Variants in PGM2 observed in about 807,000 individuals in gnomAD.
PGM2 encodes phosphoglucomutase 2.
Under a neutral mutation model 74.6 loss-of-function variants are expected in PGM2, and 57 were observed. The ratio of observed to expected loss-of-function variants is 0.76; its 90% CI spans 0.62 to 0.95. The LOEUF (loss-of-function observed/expected upper bound fraction) is 0.95, where lower values mean the gene tolerates loss of function less well. Ranked by LOEUF, PGM2 falls within the 40% of genes least tolerant of loss-of-function variation. PGM2 has a pLI of 0.00. For synonymous variants in PGM2, 273 were observed against 260.7 expected (o/e 1.05, Z -0.46); for missense variants, 706 against 741.9 (o/e 0.95, Z 0.56).
chr4:37,827,013 G>A (rs1039982686), intron 1 of PGM2, among the ~76,000 whole-genome samples, 200 bp downstream of exon 1: 5 of 152,250 alleles, frequency 3.3e-5, no homozygotes, highest in African/African-American at 9.6e-5. Flanking sequence ...GAGTTAGGCC[G>A]GGAAGGCTTG....
At chr4:37,851,150 C>T (rs749336745) in intron 12 of PGM2, among the ~76,000 whole-genome samples, 2 of 152,184 alleles carry the variant, frequency 1.3e-5, no homozygotes, top group Non-Finnish European at 2.9e-5. Context: ...CAGGATCCAG[C>T]ATTCTCTCCC....
At chr4:37,857,702 A>G (rs550163824) in intron 13 of PGM2, among the ~76,000 whole-genome samples, 1 of 152,364 alleles carries the variant, frequency 6.6e-6, no homozygotes, top group South Asian at 2.1e-4. Context: ...ATATATTTTC[A>G]CTATGGATTC....
intron 2 of PGM2, among the ~76,000 whole-genome samples, chr4:37,833,478 T>C (rs1725486959): frequency 6.6e-6 from 1 of 152,150 alleles, no homozygotes; most frequent in Admixed American, 6.5e-5. Flanking sequence ...AGAGGATTAC[T>C]TGAGCCTGAG....
At chr4:37,859,634 A>G (rs373754723) in intron 13 of PGM2, among the ~76,000 whole-genome samples, 1 of 152,092 alleles carries the variant, frequency 6.6e-6, no homozygotes, top group African/African-American at 2.4e-5. Context: ...TCACAGCATC[A>G]CAACATTAGT....
intron 8 of PGM2, 143 bp downstream of exon 8, chr4:37,845,873 G>C: frequency 1.6e-6 from 1 of 626,904 alleles, no homozygotes; most frequent in Non-Finnish European, 2.8e-6. Flanking sequence ...ACCTCCTGTA[G>C]AGTCTTCTAA....
Position 37,850,282 on chromosome 4 carries a change from A to T in PGM2, c.1511A>T (p.Asn504Ile), listed in dbSNP as rs1274584193. The T allele has an allele frequency of 1.9e-6, 3 of 1,591,370 alleles. No individual in the cohort carries two copies. In the African/African-American group the frequency reaches 4.1e-5, roughly 22 times the overall value. Residue 504 changes from asparagine to isoleucine, a missense_variant, in exon 12 of 14, where the codon AAT (asparagine) becomes ATT (isoleucine). By Grantham distance (149) the Asn-to-Ile change is moderately radical. This residue lies in a region of PGM2 where 359 missense variants were observed against 371.1 expected (regional missense o/e 0.97). Coordinates refer to ENST00000381967, the MANE Select transcript of PGM2 (RefSeq NM_018290.4). ...AACCTCAGAAACTACGATGGAAAAA[A>T]TAATTATCCAAAAGCTTGTGGCAAA... ...FENLRNYDGKNNYPKACGKFE... is the reference protein window; with the variant it reads ...FENLRNYDGKINYPKACGKFE...
intron 6 of PGM2, among the ~76,000 whole-genome samples, chr4:37,840,613 G>A (rs1417123349): frequency 6.6e-6 from 1 of 152,110 alleles, no homozygotes; most frequent in African/African-American, 2.4e-5. Context: ...TTGAACTCCT[G>A]GCCTCAAGTG....
intron 13 of PGM2, 72 bp downstream of exon 13, chr4:37,855,813 G>A (rs903556399): frequency 7.8e-7 from 1 of 1,278,342 alleles, no homozygotes; most frequent in Non-Finnish European, 1.1e-6. Flanking sequence ...CAAATGCCAA[G>A]TGAAATGTTC....
At chr4:37,856,602 A>G (rs539288787) in intron 13 of PGM2, among the ~76,000 whole-genome samples, 2 of 152,244 alleles carry the variant, frequency 1.3e-5, no homozygotes, top group Admixed American at 6.6e-5. Context: ...CTCTGTAACA[A>G]CTTAACATTT....
rs1280867779 is a variant in PGM2, at chr4:37,844,452, T to C, written c.808T>C (p.Phe270Leu). The change falls in exon 7 of 14, where the codon TTT (phenylalanine) becomes CTT (leucine). Residue 270 changes from phenylalanine (F) to leucine (L), a missense_variant. By Grantham distance (22) the Phe-to-Leu change is conservative. This residue lies in a region of PGM2 where 332 missense variants were observed against 334.9 expected (regional missense o/e 0.99). Coordinates refer to ENST00000381967, the MANE Select transcript of PGM2 (RefSeq NM_018290.4). ...HSFVQSAFKA[F>L]DLVPPEAVPE... ...CTTTGTGCAGTCAGCTTTCAAGGCT[T>C]TTGACCTTGTTCCTCCTGAGGCTGT... 1.9e-6 allele frequency: 3 copies of C among 1,613,596 alleles called. No individual in the cohort carries two copies. The highest frequency in any genetic ancestry group is 2.5e-6 in the Non-Finnish European group (3 of 1,179,514).
chr4:37,837,618 G>A lies in PGM2; in HGVS notation c.441+5G>A. The A allele has an allele frequency of 6.4e-7, 1 of 1,571,928 alleles. No individual in the cohort carries two copies. Among genetic ancestry groups the A allele is most frequent in the Non-Finnish European group, 8.8e-7 (1 of 1,141,350 alleles). On this transcript the variant is annotated splice_donor_5th_base_variant and intron_variant, in intron 4 of 13. Transcript: ENST00000381967. ...ATAACGCCAACCCCCTTTGTGGTAA[G>A]TAGCCATTTCCTTTCATAATTTCCT... is the stretch of plus-strand genomic sequence containing the variant.
At chr4:37,837,405 G>T in intron 3 of PGM2, 124 bp from the exon 4 acceptor site, 1 of 730,756 alleles carries the variant, frequency 1.4e-6, no homozygotes, top group Non-Finnish European at 2.5e-6. Flanking sequence ...TATAATAAAT[G>T]CTGTCCTTGA....
At position 37,847,274 on chromosome 4, in the gene PGM2, T is replaced by C. The variant is rs1407267874; in HGVS notation, c.1261T>C (p.Phe421Leu). 1 of 1,612,880 alleles carries C rather than the reference T, an allele frequency of 6.2e-7. No homozygotes were observed. Among genetic ancestry groups the C allele is most frequent in the Non-Finnish European group, 8.5e-7 (1 of 1,178,990 alleles). ...QLIDQGKTVL[F>L]AFEEAIGYMC... is the part of the protein sequence containing the mutation. ...AATAGACCAGGGGAAAACTGTTTTA[T>C]TTGCATTTGAAGAAGCTATTGGTAA... Residue 421 changes from phenylalanine to leucine, a missense_variant, in exon 10 of 14, where the codon TTT becomes CTT. Around this residue, in one of 3 missense-constraint regions of PGM2, gnomAD observed 359 missense variants for 371.1 expected, o/e 0.97. Transcript: ENST00000381967.
In PGM2 at chr4:37,847,193, T is replaced by C. The variant is rs1725900792; in HGVS notation, c.1189-9T>C. The C allele has an allele frequency of 3.1e-6, 5 of 1,611,142 alleles. No homozygotes were observed. The East Asian group carries it at 8.9e-5, about 29-fold the overall frequency. On this transcript the variant is annotated splice_polypyrimidine_tract_variant and intron_variant, in intron 9 of 13. Coordinates refer to ENST00000381967, the MANE Select transcript of PGM2 (RefSeq NM_018290.4). ...AGGCATGTCTTTCTCTTTTGGATTATCCCTTTAGGAAACATTAACTGGCTT... is the reference window on the plus strand; with the variant it reads ...AGGCATGTCTTTCTCTTTTGGATTACCCCTTTAGGAAACATTAACTGGCTT...
At chr4:37,841,186 GTGGTTT>G (rs1177896271) in intron 6 of PGM2, among the ~76,000 whole-genome samples, 1 of 130,322 alleles carries the variant, frequency 7.7e-6, no homozygotes, top group African/African-American at 3.6e-5. Flanking sequence ...GTGTGTGTGT[GTGGTTT>G]GTTCTGTGCA....
intron 12 of PGM2, among the ~76,000 whole-genome samples, chr4:37,851,864 A>G (rs975613152): frequency 6.6e-6 from 1 of 152,112 alleles, no homozygotes; most frequent in African/African-American, 2.4e-5. Flanking sequence ...TTTTGTTATT[A>G]TGACTAGTAA....
Sources: gnomAD v4.1 joint callset for allele counts (sites outside exome capture counted in the v4.1 genomes callset) on GRCh38, gnomAD v4.1.1 for gene constraint, gnomAD v4.1.1 regional missense constraint, MANE v1.5 for transcripts, NCBI Gene and HGNC (gene_info 2026-07-23, HGNC 2026-07-21) for gene names.